Variants in BCAS3 observed in about 807,000 individuals in gnomAD.
The protein encoded by BCAS3 is BCAS3 microtubule associated cell migration factor.
A neutral mutation model predicts 116.1 loss-of-function variants in BCAS3; 53 were observed. That is an observed-to-expected ratio of 0.46 (90% CI 0.37 to 0.57). BCAS3 has a LOEUF of 0.57. Ranked by LOEUF, BCAS3 falls within the 20% of genes least tolerant of loss-of-function variation. The pLI is 0.00. For missense variants in BCAS3, 917 were observed against 1,165.4 expected, an observed-to-expected ratio of 0.79 and a Z score of 3.10; for synonymous variants, 391 against 408.2, an observed-to-expected ratio of 0.96 and a Z score of 0.51.
chr17:61,221,784 A>G (rs1377604916), intron 22 of BCAS3, among the ~76,000 whole-genome samples: 1 of 152,188 alleles, frequency 6.6e-6, no homozygotes, highest in Non-Finnish European at 1.5e-5. Context: ...AAACCACAAG[A>G]ATGTGGGCTA....
intron 22 of BCAS3, among the ~76,000 whole-genome samples, chr17:61,176,209 T>G (rs1163736744): frequency 7.9e-6 from 1 of 125,962 alleles, no homozygotes; most frequent in Non-Finnish European, 1.7e-5. Context: ...GTAGAGAAAA[T>G]ATTTTCCTTT....
At chr17:60,733,299 G>A (rs1354839655) in intron 5 of BCAS3, among the ~76,000 whole-genome samples, 1 of 152,112 alleles carries the variant, frequency 6.6e-6, no homozygotes, top group Non-Finnish European at 1.5e-5. Context: ...TGTAACAGAT[G>A]ATCTGGTGTA....
intron 14 of BCAS3, among the ~76,000 whole-genome samples, chr17:60,975,431 A>G (rs1202401270): frequency 6.6e-6 from 1 of 152,212 alleles, no homozygotes; most frequent in Non-Finnish European, 1.5e-5. Flanking sequence ...CATCTCTAAG[A>G]ACTAAGGGGG....
At chr17:61,253,128 G>A (rs968385105) in intron 22 of BCAS3, among the ~76,000 whole-genome samples, 8 of 151,228 alleles carry the variant, frequency 5.3e-5, no homozygotes, top group African/African-American at 1.9e-4. Context: ...CACTTGCCTC[G>A]GCCTCCCAAA....
intron 12 of BCAS3, among the ~76,000 whole-genome samples, chr17:60,914,107 T>C (rs1439578478): frequency 6.6e-6 from 1 of 152,192 alleles, no homozygotes; most frequent in African/African-American, 2.4e-5. Flanking sequence ...TGATGAAGGC[T>C]TATCCACCTT....
chr17:60,680,589 A>G (rs947305559), intron 2 of BCAS3, among the ~76,000 whole-genome samples: 2 of 151,836 alleles, frequency 1.3e-5, no homozygotes, highest in African/African-American at 4.8e-5. Context: ...AAGAATGTCT[A>G]TACTTACTAG....
chr17:60,810,611 G>A, intron 7 of BCAS3: 1 of 706,034 alleles, frequency 1.4e-6, no homozygotes, highest in Non-Finnish European at 2.6e-6. Flanking sequence ...GACAGTGCCT[G>A]CATCGTTCTG....
In BCAS3 at chr17:61,243,614, C is replaced by T. The variant is rs148346725; in HGVS notation, c.2426-124713C>T. On this transcript the variant is annotated intron_variant, in intron 22 of 23. Coordinates refer to ENST00000407086, the MANE Select transcript of BCAS3 (RefSeq NM_017679.5). The surrounding 1 kb of genome is among the most constrained non-coding windows in gnomAD (Gnocchi z 5.6). The stretch of plus-strand genomic sequence containing the variant: ...GTATAAGAAGACTTAGAATTGAGTA[C>T]AGTTTGATTGAATCAAGGGTAATCA... Among the ~76,000 whole-genome samples, 644 of 152,268 alleles carry T rather than the reference C, an allele frequency of 4.2e-3. 1 individual carries two copies. Among genetic ancestry groups the T allele is most frequent in the Middle Eastern group, 0.01 (3 of 294 alleles).
At chr17:60,824,959 A>G (rs2050257286) in intron 7 of BCAS3, among the ~76,000 whole-genome samples, 1 of 152,198 alleles carries the variant, frequency 6.6e-6, no homozygotes, top group Admixed American at 6.5e-5. Context: ...TGAGCCCAGG[A>G]GTTCGAAACC....
chr17:61,046,662 TC>T (rs2068383567), intron 19 of BCAS3, among the ~76,000 whole-genome samples: 1 of 151,970 alleles, frequency 6.6e-6, no homozygotes, highest in Admixed American at 6.6e-5. Flanking sequence ...CTTTTTTTTT[TC>T]ACAGAATATT....
chr17:60,852,018 A>G (rs1291590212), intron 7 of BCAS3, among the ~76,000 whole-genome samples: 1 of 152,158 alleles, frequency 6.6e-6, no homozygotes, highest in African/African-American at 2.4e-5. Flanking sequence ...TCAGCTTAAC[A>G]TTTCATAGAT....
At chr17:60,795,145 C>T (rs574804941) in intron 6 of BCAS3, among the ~76,000 whole-genome samples, 55 of 152,122 alleles carry the variant, frequency 3.6e-4, no homozygotes, top group Middle Eastern at 6.8e-3. Flanking sequence ...ATGTATATTC[C>T]TAAGTATTTT....
rs546887184 is a variant in BCAS3, at chr17:61,098,256, G to A, written c.2425+13692G>A. 6.6e-6 allele frequency among the ~76,000 whole-genome samples: 1 copy of A among 152,306 alleles called. No homozygotes were observed. Among genetic ancestry groups the A allele is most frequent in the East Asian group, 1.9e-4 (1 of 5,182 alleles). On this transcript the variant is annotated intron_variant, in intron 22 of 23. Coordinates refer to ENST00000407086, the MANE Select transcript of BCAS3 (RefSeq NM_017679.5). This position sits in a 1 kb window ranked among gnomAD's most constrained non-coding sequence, Gnocchi z 4.2. ...TTGTTACAGAATATTCATATATTCA[G>A]AACATTGGGACTGAGTTGTGCATGG...
At chr17:61,086,301 C>T (rs1370588232) in intron 22 of BCAS3, among the ~76,000 whole-genome samples, 2 of 152,168 alleles carry the variant, frequency 1.3e-5, no homozygotes, top group African/African-American at 4.8e-5. Context: ...CCTTGTTGGT[C>T]AGGCTAGTCT....
At chr17:61,103,030 G>C (rs1385084428) in intron 22 of BCAS3, among the ~76,000 whole-genome samples, 2 of 152,122 alleles carry the variant, frequency 1.3e-5, no homozygotes, top group Non-Finnish European at 2.9e-5. Flanking sequence ...CCCTATAGCA[G>C]TCTGATTCCA....
chr17:61,102,432 G>T (rs778055544), intron 22 of BCAS3, among the ~76,000 whole-genome samples: 1 of 152,038 alleles, frequency 6.6e-6, no homozygotes, highest in Non-Finnish European at 1.5e-5. Context: ...AGCATTTCAC[G>T]TGCATTATCA....
Position 60,919,071 on chromosome 17 carries a change from C to T in BCAS3, c.994-5336C>T, listed in dbSNP as rs192534731. On this transcript the variant is annotated intron_variant, in intron 12 of 23. Coordinates refer to ENST00000407086, the MANE Select transcript of BCAS3 (RefSeq NM_017679.5). ...TGGTTCTTTCTTATGAGATCTATCTCTTTGGTGAATTTCTTTTTCATATCC... is the reference window on the plus strand; with the variant it reads ...TGGTTCTTTCTTATGAGATCTATCTTTTTGGTGAATTTCTTTTTCATATCC... Among the ~76,000 whole-genome samples the T allele has an allele frequency of 9.2e-5, 14 of 152,242 alleles. No homozygotes were observed. The East Asian group carries it at 2.7e-3, about 29-fold the overall frequency.
At chr17:60,810,013 A>G (rs368951949) in intron 7 of BCAS3, among the ~76,000 whole-genome samples, 1 of 152,264 alleles carries the variant, frequency 6.6e-6, no homozygotes, top group African/African-American at 2.4e-5. Context: ...ATACTGTATT[A>G]TATAAAATGT....
intron 15 of BCAS3, chr17:61,002,524 A>G (rs940356140): frequency 6.6e-6 from 1 of 152,108 alleles, no homozygotes; most frequent in Non-Finnish European, 1.5e-5. Flanking sequence ...TAGGGATGTT[A>G]ATGTCTTATC....
Sources: allele counts gnomAD v4.1 joint callset (sites outside exome capture counted in the v4.1 genomes callset), GRCh38; gene constraint gnomAD v4.1.1; non-coding constraint Gnocchi (gnomAD v3.1); transcripts MANE v1.5; gene names NCBI Gene and HGNC (gene_info 2026-07-23, HGNC 2026-07-21).